MYRIP: variants seen among roughly 807,000 people sequenced by gnomAD.
MYRIP encodes the protein myosin VIIA and Rab interacting protein, also known as rab effector MyRIP.
Under a neutral mutation model 98.0 loss-of-function variants are expected in MYRIP, and 49 were observed. The ratio of observed to expected loss-of-function variants is 0.50; its 90% CI spans 0.40 to 0.63. The LOEUF is 0.63. Among genes scored for constraint, MYRIP ranks in the 30% least tolerant of loss-of-function variants. The pLI is 0.00. For synonymous variants in MYRIP, 404 were observed against 409.5 expected (o/e 0.99, Z 0.16); for missense variants, 1,004 against 1,058.2 (o/e 0.95, Z 0.71).
intron 10 of MYRIP, among the ~76,000 whole-genome samples, chr3:40,201,041 A>G (rs1269676209): frequency 2.0e-5 from 3 of 152,242 alleles, no homozygotes; most frequent in Non-Finnish European, 2.9e-5. Flanking sequence ...TTGTGTCTTA[A>G]TTATGCCTAA....
At chr3:39,811,460 C>A (rs7651673) in intron 1 of MYRIP, among the ~76,000 whole-genome samples, 7,794 of 151,974 alleles carry the variant, frequency 0.051, 671 homozygotes, top group African/African-American at 0.18. Flanking sequence ...TATCTGGGAC[C>A]CTATTTGCAG....
At chr3:40,137,345 A>G (rs554948696) in intron 3 of MYRIP, among the ~76,000 whole-genome samples, 2 of 152,320 alleles carry the variant, frequency 1.3e-5, no homozygotes, top group African/African-American at 4.8e-5. Context: ...AAGAAGTTGA[A>G]TCTCTGAATA....
chr3:40,167,131 G>A, intron 6 of MYRIP, 28 bp from the exon 7 acceptor site: 1 of 1,610,238 alleles, frequency 6.2e-7, no homozygotes, highest in African/African-American at 1.3e-5. Flanking sequence ...TCCACCCACA[G>A]CACACAGCCA....
chr3:40,056,639 C>T (rs914839815), intron 3 of MYRIP, among the ~76,000 whole-genome samples: 2 of 152,122 alleles, frequency 1.3e-5, no homozygotes, highest in South Asian at 2.1e-4. Flanking sequence ...AATTATACCA[C>T]GAGGTAGGTA....
chr3:40,108,718 G>T (rs1949100825), intron 3 of MYRIP, among the ~76,000 whole-genome samples: 2 of 152,158 alleles, frequency 1.3e-5, no homozygotes, highest in Non-Finnish European at 2.9e-5. Context: ...AATGAACACT[G>T]GATTATTTAA....
At chr3:39,938,419 T>C (rs897588401) in intron 2 of MYRIP, among the ~76,000 whole-genome samples, 1 of 152,180 alleles carries the variant, frequency 6.6e-6, no homozygotes, top group Non-Finnish European at 1.5e-5. Flanking sequence ...GGGTCTCTTA[T>C]AGATACTTCT....
intron 7 of MYRIP, among the ~76,000 whole-genome samples, chr3:40,168,463 A>T (rs1242194081): frequency 6.6e-6 from 1 of 152,262 alleles, no homozygotes; most frequent in African/African-American, 2.4e-5. Context: ...TTATTAGCTC[A>T]TATAATTTAT....
chr3:39,885,784 C>G (rs372790790), intron 1 of MYRIP, among the ~76,000 whole-genome samples: 47 of 152,078 alleles, frequency 3.1e-4, no homozygotes, highest in Admixed American at 5.9e-4. Flanking sequence ...TCCAGTTGAT[C>G]GCATTGGCTC....
intron 2 of MYRIP, among the ~76,000 whole-genome samples, chr3:39,937,566 A>C (rs542219689): frequency 4.6e-5 from 7 of 152,334 alleles, no homozygotes; most frequent in African/African-American, 1.7e-4. Flanking sequence ...AATAACATAC[A>C]ATGTGGCCTT....
At chr3:40,034,786 T>C (rs1026449153) in intron 2 of MYRIP, among the ~76,000 whole-genome samples, 1 of 151,874 alleles carries the variant, frequency 6.6e-6, no homozygotes, top group Non-Finnish European at 1.5e-5. Context: ...ATGTTTGTTG[T>C]GGCACTATTC....
At chr3:40,020,472 C>G (rs938657831) in intron 2 of MYRIP, among the ~76,000 whole-genome samples, 53 of 152,140 alleles carry the variant, frequency 3.5e-4, no homozygotes, top group African/African-American at 1.3e-3. Context: ...ACAAATCTTA[C>G]CAGACAGTGC....
intron 4 of MYRIP, among the ~76,000 whole-genome samples, chr3:40,160,641 G>A (rs543343679): frequency 6.6e-6 from 1 of 152,280 alleles, no homozygotes; most frequent in Non-Finnish European, 1.5e-5. Context: ...CTAGCAATCA[G>A]CGAGACTCCG....
At chr3:40,110,836 CAAAT>C (rs1949142832) in intron 3 of MYRIP, among the ~76,000 whole-genome samples, 1 of 151,508 alleles carries the variant, frequency 6.6e-6, no homozygotes, top group Non-Finnish European at 1.5e-5. Context: ...TAATTATTCT[CAAAT>C]AACCACAAAT....
At chr3:39,923,623 A>G (rs902350862) in intron 2 of MYRIP, among the ~76,000 whole-genome samples, 5 of 152,182 alleles carry the variant, frequency 3.3e-5, no homozygotes, top group African/African-American at 1.2e-4. Context: ...AAAACTAAGA[A>G]TCTGTTACCA....
intron 2 of MYRIP, among the ~76,000 whole-genome samples, chr3:39,997,782 ATG>A (rs1559554305): frequency 2.0e-4 from 31 of 152,072 alleles, no homozygotes; most frequent in African/African-American, 7.0e-4. Flanking sequence ...GCAAAAATCC[ATG>A]ATAAAATACT....
chr3:40,034,371 T>G (rs1030439986), intron 2 of MYRIP, among the ~76,000 whole-genome samples: 1 of 151,814 alleles, frequency 6.6e-6, no homozygotes, highest in South Asian at 2.1e-4. Flanking sequence ...CAAACAAATT[T>G]ACAAGAAAAA....
intron 11 of MYRIP, among the ~76,000 whole-genome samples, chr3:40,219,041 A>G (rs140090217): frequency 6.6e-6 from 1 of 152,316 alleles, no homozygotes; most frequent in African/African-American, 2.4e-5. Context: ...TGACATGACA[A>G]TGGTACATTT....
chr3:39,887,529 A>G (rs1943343574), intron 1 of MYRIP, among the ~76,000 whole-genome samples: 1 of 152,202 alleles, frequency 6.6e-6, no homozygotes, highest in South Asian at 2.1e-4. Context: ...GACGTATTTC[A>G]AAATAATGAG....
chr3:40,096,976 G>A (rs2125887962), intron 3 of MYRIP, among the ~76,000 whole-genome samples: 2 of 152,258 alleles, frequency 1.3e-5, no homozygotes, highest in African/African-American at 4.8e-5. Flanking sequence ...AGCTTGCCTG[G>A]CTATCAGCAG....
Sources: allele counts gnomAD v4.1 joint callset (sites outside exome capture counted in the v4.1 genomes callset), GRCh38; gene constraint gnomAD v4.1.1; transcripts MANE v1.5; gene names NCBI Gene and HGNC (gene_info 2026-07-23, HGNC 2026-07-21).